Variants in CPED1 observed in about 807,000 individuals in gnomAD.
The protein encoded by CPED1 is cadherin like and PC-esterase domain containing 1, also known as cadherin-like and PC-esterase domain-containing protein 1.
CPED1 carries 114 observed loss-of-function variants against 128.2 expected under a neutral mutation model. The observed-to-expected ratio is 0.89, with a 90% CI of 0.76 to 1.04. CPED1 has a LOEUF of 1.04. CPED1 is among the 50% of genes least tolerant of loss of function. The pLI is 0.00. For synonymous variants in CPED1, 462 were observed against 426.7 expected, an observed-to-expected ratio of 1.08 and a Z score of -1.02; for missense variants, 1,211 against 1,207.1, an observed-to-expected ratio of 1.00 and a Z score of -0.05.
intron 4 of CPED1, chr7:121,061,342 G>A (rs1311533626): frequency 3.6e-6 from 1 of 279,574 alleles, no homozygotes; most frequent in Non-Finnish European, 5.4e-6. Flanking sequence ...AAGGATTTGT[G>A]CTAAATAAGA....
chr7:121,011,815 T>A (rs1792168722), intron 2 of CPED1, among the ~76,000 whole-genome samples: 1 of 152,176 alleles, frequency 6.6e-6, no homozygotes, highest in South Asian at 2.1e-4. Context: ...TCATACACAT[T>A]ATTGCAAAAA....
chr7:121,191,558 C>T (rs1206112609), intron 16 of CPED1, among the ~76,000 whole-genome samples: 6 of 152,052 alleles, frequency 3.9e-5, no homozygotes, highest in Admixed American at 3.9e-4. Context: ...TCTCCAGATC[C>T]TTCTGGGGTG....
chr7:121,198,343 A>G (rs1797315672), intron 16 of CPED1, among the ~76,000 whole-genome samples: 1 of 152,134 alleles, frequency 6.6e-6, no homozygotes, highest in African/African-American at 2.4e-5. Context: ...TCTTAGATAA[A>G]AGCTCATTTT....
At chr7:121,292,223 T>G (rs1261949761) in intron 22 of CPED1, among the ~76,000 whole-genome samples, 4 of 152,006 alleles carry the variant, frequency 2.6e-5, no homozygotes, top group Non-Finnish European at 5.9e-5. Flanking sequence ...CTTTTCATTC[T>G]TTTTTCTCTA....
chr7:121,126,301 T>TA (rs967891215), intron 9 of CPED1, among the ~76,000 whole-genome samples: 5 of 152,244 alleles, frequency 3.3e-5, no homozygotes, highest in Middle Eastern at 3.4e-3. Flanking sequence ...ATATTTAGTT[T>TA]AAAAAAACCA....
At chr7:121,251,009 CA>C (rs1159288342) in intron 18 of CPED1, among the ~76,000 whole-genome samples, 3 of 151,922 alleles carry the variant, frequency 2.0e-5, no homozygotes, top group African/African-American at 7.3e-5. Context: ...AGAGACACAA[CA>C]AAAAAAGAGA....
Position 121,222,708 on chromosome 7 carries a change from T to G in CPED1, c.2056-14006T>G, listed in dbSNP as rs184984130. Among the ~76,000 whole-genome samples the G allele has an allele frequency of 1.6e-4, 25 of 152,230 alleles. No homozygotes were observed. In the East Asian group the frequency reaches 4.3e-3, roughly 26 times the overall value. On this transcript the variant is annotated intron_variant, in intron 16 of 22. Transcript: ENST00000310396. ...GTTGGATTTCTACTTATTTTATTCT[T>G]TTTGTAGCAATTGTGAATGTGAATT... is the stretch of plus-strand genomic sequence containing the variant.
At chr7:121,153,983 G>C (rs902509428) in intron 16 of CPED1, among the ~76,000 whole-genome samples, 5 of 152,112 alleles carry the variant, frequency 3.3e-5, no homozygotes, top group African/African-American at 4.8e-5. Flanking sequence ...GTTATAGAAA[G>C]TCAAAATGTA....
At chr7:121,138,866 G>A (rs1795837881) in intron 14 of CPED1, among the ~76,000 whole-genome samples, 1 of 151,656 alleles carries the variant, frequency 6.6e-6, no homozygotes, top group African/African-American at 2.4e-5. Flanking sequence ...ATGTTATATT[G>A]GGTTTGCAGC....
intron 5 of CPED1, among the ~76,000 whole-genome samples, chr7:121,077,322 A>G (rs1794155175): frequency 6.6e-6 from 1 of 152,182 alleles, no homozygotes; most frequent in South Asian, 2.1e-4. Flanking sequence ...AAATTTTAAA[A>G]ATGACTGGAC....
chr7:121,219,249 G>A (rs1797825750), intron 16 of CPED1, among the ~76,000 whole-genome samples: 1 of 151,892 alleles, frequency 6.6e-6, no homozygotes, highest in African/African-American at 2.4e-5. Flanking sequence ...CACTGGAAGT[G>A]GGTAGCATTA....
chr7:121,233,704 CT>C (rs145353983), intron 16 of CPED1, among the ~76,000 whole-genome samples: 2,342 of 152,098 alleles, frequency 0.015, 64 homozygotes, highest in African/African-American at 0.053. Flanking sequence ...TGATTAATCA[CT>C]TTTAAGGTCT....
intron 4 of CPED1, among the ~76,000 whole-genome samples, chr7:121,061,545 G>A (rs1343185251): frequency 6.6e-6 from 1 of 152,238 alleles, no homozygotes; most frequent in Non-Finnish European, 1.5e-5. Flanking sequence ...AGGAGGCTGT[G>A]TGTGTGTTGG....
chr7:121,027,519 C>G (rs1256091775), intron 3 of CPED1, among the ~76,000 whole-genome samples: 5 of 151,930 alleles, frequency 3.3e-5, no homozygotes, highest in Non-Finnish European at 7.4e-5. Flanking sequence ...CTTCTTTGGA[C>G]TTTTGGAAAA....
intron 18 of CPED1, among the ~76,000 whole-genome samples, chr7:121,253,379 G>T (rs1249875912): frequency 1.3e-5 from 2 of 151,440 alleles, no homozygotes; most frequent in Non-Finnish European, 2.9e-5. Context: ...GAGTTAATGG[G>T]TGCAGCACAC....
chr7:121,172,005 G>A (rs11979342), intron 16 of CPED1, among the ~76,000 whole-genome samples: 13,733 of 152,144 alleles, frequency 0.09, 684 homozygotes, highest in South Asian at 0.17. Context: ...ATAGGAAGGC[G>A]CTGAGGTGGC....
At chr7:121,204,892 C>T (rs569446053) in intron 16 of CPED1, among the ~76,000 whole-genome samples, 40 of 152,166 alleles carry the variant, frequency 2.6e-4, no homozygotes, top group Admixed American at 9.8e-4. Flanking sequence ...CTGCAGAAAA[C>T]GGTCAGATAA....
chr7:121,087,828 G>GT (rs1794472403), intron 5 of CPED1, among the ~76,000 whole-genome samples: 2 of 151,558 alleles, frequency 1.3e-5, no homozygotes, highest in African/African-American at 2.4e-5. Flanking sequence ...CCTGGCTAAT[G>GT]TTTTTTAATT....
chr7:121,117,100 A>ATATATATATATATATATATATATAT (rs1450957943), intron 7 of CPED1, among the ~76,000 whole-genome samples: 2 of 70,646 alleles, frequency 2.8e-5, no homozygotes, highest in African/African-American at 4.7e-5. Context: ...TATATATATA[A>ATATATATATATATATATATATATAT]ATATATATAT....
Sources: allele counts gnomAD v4.1 joint callset (sites outside exome capture counted in the v4.1 genomes callset), GRCh38; gene constraint gnomAD v4.1.1; transcripts MANE v1.5; gene names NCBI Gene and HGNC (gene_info 2026-07-23, HGNC 2026-07-21).